The following CNBD1 variants were observed in gnomAD, a reference collection of about 807,000 sequenced individuals.
CNBD1 encodes cyclic nucleotide binding domain containing 1.
In CNBD1, 71 loss-of-function variants were observed where a neutral mutation model predicts 54.4. The ratio of observed to expected loss-of-function variants is 1.30; its 90% CI spans 1.08 to 1.59. CNBD1 has a LOEUF of 1.59. Among genes scored for constraint, CNBD1 ranks in the 40% most tolerant of loss-of-function variants. The pLI is 0.00. For missense variants in CNBD1, 659 were observed against 518.0 expected, an observed-to-expected ratio of 1.27 and a Z score of -2.64; for synonymous variants, 182 against 170.7, an observed-to-expected ratio of 1.07 and a Z score of -0.51.
At chr8:87,309,549 C>A (rs1397712684) in intron 8 of CNBD1, among the ~76,000 whole-genome samples, 1 of 152,022 alleles carries the variant, frequency 6.6e-6, no homozygotes, top group Non-Finnish European at 1.5e-5. Context: ...TTCTAGAATT[C>A]CTAAATTGAC....
At chr8:87,226,812 G>A (rs1192789817) in intron 5 of CNBD1, among the ~76,000 whole-genome samples, 12 of 151,334 alleles carry the variant, frequency 7.9e-5, no homozygotes, top group Middle Eastern at 6.8e-3. Flanking sequence ...TTTCTGTCTC[G>A]TTGATCTGTC....
intron 9 of CNBD1, among the ~76,000 whole-genome samples, chr8:87,352,858 A>G (rs995254407): frequency 1.3e-5 from 2 of 152,212 alleles, no homozygotes; most frequent in East Asian, 3.8e-4. Flanking sequence ...AAGATTTGCC[A>G]TTTATATAGG....
chr8:87,404,147 G>T (rs941855454), intron 2 of CNBD1, among the ~76,000 whole-genome samples: 4 of 152,018 alleles, frequency 2.6e-5, no homozygotes, highest in African/African-American at 9.7e-5. Context: ...GAGAAACTCA[G>T]ATGGAAGTTT....
At chr8:87,285,760 C>CT (rs1808685168) in intron 7 of CNBD1, among the ~76,000 whole-genome samples, 3 of 152,134 alleles carry the variant, frequency 2.0e-5, no homozygotes, top group Admixed American at 1.3e-4. Context: ...ATCCCAGCTA[C>CT]TCGGGAGGCT....
At chr8:86,979,416 AAAAAAAAAAAAAG>A (rs1318212531) in intron 4 of CNBD1, among the ~76,000 whole-genome samples, 9 of 145,714 alleles carry the variant, frequency 6.2e-5, no homozygotes, top group African/African-American at 1.8e-4. Context: ...AAAAAAAAAA[AAAAAAAAAAAAAG>A]GCAAAAACAA....
rs139016570 is a variant in CNBD1, at chr8:87,213,166, A to T, written c.577+7028A>T. Among the ~76,000 whole-genome samples the T allele has an allele frequency of 3.1e-3, 469 of 152,328 alleles. 4 individuals are homozygous for T. Among genetic ancestry groups the T allele is most frequent in the Admixed American group, 5.1e-3 (78 of 15,294 alleles). ...TACAATGGCATACTACTCCATCCCC[A>T]CTAACATGATTAAAATATAAAAGAA... On this transcript the variant is annotated intron_variant, in intron 5 of 10. Coordinates refer to ENST00000518476, the MANE Select transcript of CNBD1 (RefSeq NM_173538.3).
At chr8:87,426,787 T>A (rs1417298134) in intron 2 of CNBD1, among the ~76,000 whole-genome samples, 2 of 152,182 alleles carry the variant, frequency 1.3e-5, no homozygotes, top group African/African-American at 2.4e-5. Context: ...TTGGCTCACT[T>A]CTTTTACCAA....
rs532872346 is a variant in CNBD1, at chr8:87,260,398, C to T, written c.771+23286C>T. On this transcript the variant is annotated intron_variant, in intron 6 of 10. Coordinates refer to ENST00000518476, the MANE Select transcript of CNBD1 (RefSeq NM_173538.3). ...TTGCTGGGTCATCTTGAGCAGTGAGCTTATGGGGGCCTAAGCCCGTATTTT... is the reference window on the plus strand; with the variant it reads ...TTGCTGGGTCATCTTGAGCAGTGAGTTTATGGGGGCCTAAGCCCGTATTTT... 1.1e-4 allele frequency among the ~76,000 whole-genome samples: 16 copies of T among 152,242 alleles called. No individual in the cohort carries two copies. In the East Asian group the frequency reaches 3.1e-3, roughly 29 times the overall value.
intron 4 of CNBD1, among the ~76,000 whole-genome samples, chr8:87,134,987 T>C (rs988698985): frequency 6.6e-6 from 1 of 152,096 alleles, no homozygotes; most frequent in Non-Finnish European, 1.5e-5. Flanking sequence ...GCTTATAGTG[T>C]TTATTAATGT....
intron 4 of CNBD1, among the ~76,000 whole-genome samples, chr8:87,196,262 T>C (rs1484175476): frequency 6.6e-6 from 1 of 152,206 alleles, no homozygotes; most frequent in Non-Finnish European, 1.5e-5. Context: ...AAATTGTTTG[T>C]ATCAGAAGAT....
intron 4 of CNBD1, among the ~76,000 whole-genome samples, chr8:86,958,253 G>A (rs1003276161): frequency 6.6e-6 from 1 of 152,152 alleles, no homozygotes; most frequent in Admixed American, 6.5e-5. Context: ...TTCCTACTAT[G>A]TGGTCAATTT....
intron 8 of CNBD1, among the ~76,000 whole-genome samples, chr8:87,347,094 C>A (rs1052608984): frequency 6.6e-6 from 1 of 152,144 alleles, no homozygotes; most frequent in African/African-American, 2.4e-5. Context: ...ATCTTTCACA[C>A]GTACTTTGCT....
chr8:87,182,612 C>A lies in CNBD1; in HGVS notation c.432-23381C>A, dbSNP rs111600207. On this transcript the variant is annotated intron_variant, in intron 4 of 10. Coordinates refer to ENST00000518476, the MANE Select transcript of CNBD1 (RefSeq NM_173538.3). This position sits in a 1 kb window ranked among gnomAD's most constrained non-coding sequence, Gnocchi z 4.1. ...TGACTGATACGAGATGGTATCTCAT[C>A]GTGGTTTTGATTTGCATTTCTCTAA... Among the ~76,000 whole-genome samples the A allele has an allele frequency of 3.0e-4, 46 of 151,724 alleles. 1 individual carries two copies. The highest frequency in any genetic ancestry group is 9.4e-4 in the African/African-American group (39 of 41,400).
chr8:86,963,402 G>T (rs1314428996), intron 4 of CNBD1, among the ~76,000 whole-genome samples: 4 of 152,160 alleles, frequency 2.6e-5, no homozygotes, highest in Admixed American at 6.5e-5. Flanking sequence ...ATCTGCCTCA[G>T]GTCTATTGTT....
intron 4 of CNBD1, among the ~76,000 whole-genome samples, chr8:87,129,321 A>G (rs149986428): frequency 1.8e-4 from 28 of 152,184 alleles, no homozygotes; most frequent in African/African-American, 5.5e-4. Context: ...GAAGATCTTT[A>G]GCTACAAGTT....
At chr8:87,229,438 C>G (rs189500854) in intron 5 of CNBD1, among the ~76,000 whole-genome samples, 19 of 152,274 alleles carry the variant, frequency 1.2e-4, no homozygotes, top group Admixed American at 8.5e-4. Context: ...TCTTTTCTCA[C>G]AATTCATACA....
intron 2 of CNBD1, among the ~76,000 whole-genome samples, chr8:87,389,293 A>C (rs959061757): frequency 6.6e-6 from 1 of 152,180 alleles, no homozygotes; most frequent in African/African-American, 2.4e-5. Flanking sequence ...TTCAATTAGG[A>C]AAAGAGGAAG....
At chr8:87,383,714 C>T (rs1252097307), downstream of CNBD1, among the ~76,000 whole-genome samples, 1 of 152,116 alleles carries the variant, frequency 6.6e-6, no homozygotes, top group African/African-American at 2.4e-5. Flanking sequence ...AATTATGTCA[C>T]CTTTCTCCAC....
chr8:87,225,318 T>G (rs1464835035), intron 5 of CNBD1, among the ~76,000 whole-genome samples: 6 of 150,972 alleles, frequency 4.0e-5, no homozygotes, highest in Non-Finnish European at 8.8e-5. Flanking sequence ...CCCTGTCTTG[T>G]GCCAGTTTTC....
Sources: allele counts gnomAD v4.1 joint callset (sites outside exome capture counted in the v4.1 genomes callset), GRCh38; gene constraint gnomAD v4.1.1; non-coding constraint Gnocchi (gnomAD v3.1); transcripts MANE v1.5; gene names NCBI Gene and HGNC (gene_info 2026-07-23, HGNC 2026-07-21).